The following GRIA1 variants were observed in gnomAD, a reference collection of about 807,000 sequenced individuals.
GRIA1 encodes glutamate receptor 1.
In GRIA1, 31 loss-of-function variants were observed where a neutral mutation model predicts 99.2. The ratio of observed to expected loss-of-function variants is 0.31; its 90% CI spans 0.23 to 0.42. The LOEUF is 0.42. GRIA1 is among the 10% of genes least tolerant of loss of function. The pLI is 1.00. For synonymous variants in GRIA1, 438 were observed against 432.4 expected (o/e 1.01, Z -0.16); for missense variants, 782 against 1,157.5 (o/e 0.68, Z 4.71).
chr5:153,649,428 T>TTTAA, intron 3 of GRIA1, among the ~76,000 whole-genome samples: 1 of 100,898 alleles, frequency 9.9e-6, no homozygotes, highest in East Asian at 2.0e-4. Flanking sequence ...CAGGACACAT[T>TTTAA]TTATTTATTT....
intron 15 of GRIA1, among the ~76,000 whole-genome samples, chr5:153,810,536 G>A (rs760986426): frequency 2.0e-5 from 3 of 152,198 alleles, no homozygotes; most frequent in African/African-American, 4.8e-5. Context: ...TATAATAACA[G>A]TGTGTAGGTG....
chr5:153,622,133 C>A lies in GRIA1; in HGVS notation c.221-24795C>A, dbSNP rs569228968. Reference sequence around the variant, plus strand: ...TATGTTAGAAATGAAAATTCTCGAGCCCCATCCCAGACCTACTGAATCAGA... The same window carrying A: ...TATGTTAGAAATGAAAATTCTCGAGACCCATCCCAGACCTACTGAATCAGA... On this transcript the variant is annotated intron_variant, in intron 2 of 15. Coordinates refer to ENST00000285900, the MANE Select transcript of GRIA1 (RefSeq NM_000827.4). Among the ~76,000 whole-genome samples, 6 of 152,286 alleles carry A rather than the reference C, an allele frequency of 3.9e-5. No individual in the cohort carries two copies. The South Asian group carries it at 6.2e-4, about 16-fold the overall frequency.
In GRIA1 at chr5:153,490,785, A is replaced by C; in HGVS notation, c.-104A>C. On this transcript the variant is annotated 5_prime_UTR_variant, in exon 1 of 16. Transcript: ENST00000285900. ...AAGCAAGCAAGGAAGGAACTGCAGGAGGAAAAGAACAGGCAGAACAGCGAG... is the reference window on the plus strand; with the variant it reads ...AAGCAAGCAAGGAAGGAACTGCAGGCGGAAAAGAACAGGCAGAACAGCGAG... 2.3e-6 allele frequency: 2 copies of C among 862,652 alleles called. No homozygotes were observed. The highest frequency in any genetic ancestry group is 1.7e-5 in the African/African-American group (1 of 60,554). 53.4% of individuals were successfully genotyped at this position (862,652 alleles called of 1,614,324 possible). A position where few individuals can be genotyped will look rare whatever the true frequency, so the allele number is the denominator to read the frequency against.
intron 2 of GRIA1, among the ~76,000 whole-genome samples, chr5:153,570,846 TTAA>T (rs1762050991): frequency 6.6e-6 from 1 of 152,214 alleles, no homozygotes; most frequent in Non-Finnish European, 1.5e-5. Context: ...CTATTATTTA[TTAA>T]TAATTCCTAT....
Position 153,677,073 on chromosome 5 carries a change from T to C in GRIA1, c.941T>C (p.Ile314Thr). 1.3e-6 allele frequency: 2 copies of C among 1,585,768 alleles called. No homozygotes were observed. Among genetic ancestry groups the C allele is most frequent in the Non-Finnish European group, 1.7e-6 (2 of 1,163,752 alleles). ...AGCCTGCGGAGGCAGAGAATTGATA[T>C]ATCTCGCCGGGGGAATGCTGGGGAT... ...FQSLRRQRID[I>T]SRRGNAGDCL... Residue 314 changes from isoleucine (I) to threonine (T), a missense_variant, in exon 7 of 16, where the codon ATA becomes ACA. Ile to Thr is a moderately conservative substitution (Grantham distance 89). This residue lies in a region of GRIA1 where 461 missense variants were observed against 521.7 expected (regional missense o/e 0.88). Coordinates refer to ENST00000285900, the MANE Select transcript of GRIA1 (RefSeq NM_000827.4).
At position 153,732,925 on chromosome 5, in the gene GRIA1, C is replaced by CTTTTTTTTTTTTTTTTTTTTTTTTTT. The variant is rs1288005494; in HGVS notation, c.1823+26872_1823+26873insTTTTTTTTTTTTTTTTTTTTTTTTTT. Reference sequence around the variant, plus strand: ...GTAGTACAAAATAAGAGTTAAATTTCTTTTTTTTTTTTTTCTTTGCATGTG... The same window carrying CTTTTTTTTTTTTTTTTTTTTTTTTTT: ...GTAGTACAAAATAAGAGTTAAATTTCTTTTTTTTTTTTTTTTTTTTTTTTTTTTTTTTTTTTTTTTCTTTGCATGTG... On this transcript the variant is annotated intron_variant, in intron 11 of 15. Coordinates refer to ENST00000285900, the MANE Select transcript of GRIA1 (RefSeq NM_000827.4). Among the ~76,000 whole-genome samples the CTTTTTTTTTTTTTTTTTTTTTTTTTT allele has an allele frequency of 2.4e-5, 3 of 127,326 alleles. 1 individual carries two copies. Among genetic ancestry groups the CTTTTTTTTTTTTTTTTTTTTTTTTTT allele is most frequent in the Non-Finnish European group, 3.3e-5 (2 of 60,186 alleles). 83.5% of individuals were successfully genotyped at this position (127,326 alleles called of 152,430 possible). A position where few individuals can be genotyped will look rare whatever the true frequency, so the allele number is the denominator to read the frequency against.
At chr5:153,686,597 G>C (rs774985636) in intron 8 of GRIA1, among the ~76,000 whole-genome samples, 2 of 152,168 alleles carry the variant, frequency 1.3e-5, no homozygotes, top group Non-Finnish European at 2.9e-5. Context: ...ATCCAAGGTA[G>C]AGGAAAGCAC....
chr5:153,654,047 T>C (rs1754762541), intron 4 of GRIA1, among the ~76,000 whole-genome samples: 1 of 152,184 alleles, frequency 6.6e-6, no homozygotes, highest in Non-Finnish European at 1.5e-5. Flanking sequence ...CTCAGTTTGT[T>C]ACCCTGTATA....
intron 2 of GRIA1, among the ~76,000 whole-genome samples, chr5:153,551,532 T>C (rs952534085): frequency 2.0e-5 from 3 of 152,216 alleles, no homozygotes; most frequent in Non-Finnish European, 2.9e-5. Context: ...TTTCGATTAA[T>C]GGAAGAGAAC....
chr5:153,649,644 T>G (rs1754406852), intron 3 of GRIA1, among the ~76,000 whole-genome samples: 1 of 152,008 alleles, frequency 6.6e-6, no homozygotes, highest in Admixed American at 6.5e-5. Context: ...TTTTTTTTAG[T>G]AGAGATGGGG....
chr5:153,794,484 G>T, intron 13 of GRIA1, 137 bp from the exon 14 acceptor site: 1 of 666,174 alleles, frequency 1.5e-6, no homozygotes. Context: ...AGTGATGTTG[G>T]GGGCAGGGCA....
chr5:153,528,775 C>A (rs1055630996), intron 2 of GRIA1, among the ~76,000 whole-genome samples: 3 of 152,208 alleles, frequency 2.0e-5, no homozygotes, highest in Non-Finnish European at 4.4e-5. Flanking sequence ...ATAAGGCATT[C>A]TCCTATATGC....
rs1753511533 is a variant in GRIA1, at chr5:153,638,078, A to G, written c.221-8850A>G. Among the ~76,000 whole-genome samples the G allele has an allele frequency of 2.0e-5, 3 of 152,246 alleles. No individual in the cohort carries two copies. The South Asian group carries it at 6.2e-4, about 32-fold the overall frequency. On this transcript the variant is annotated intron_variant, in intron 2 of 15. Transcript: ENST00000285900. The stretch of plus-strand genomic sequence containing the variant: ...TGAAAGAAAGATGGGTCAACTTAGT[A>G]TCCAGAGATTAAAATAGGTAAATGA...
At chr5:153,597,368 T>C (rs191329141) in intron 2 of GRIA1, among the ~76,000 whole-genome samples, 14 of 152,294 alleles carry the variant, frequency 9.2e-5, no homozygotes, top group South Asian at 4.1e-4. Context: ...TATTCTTCTT[T>C]CTAGGTTTGT....
intron 8 of GRIA1, among the ~76,000 whole-genome samples, chr5:153,690,466 C>T (rs972695498): frequency 2.6e-5 from 4 of 152,104 alleles, no homozygotes; most frequent in African/African-American, 9.7e-5. Flanking sequence ...CTCTTTGCCT[C>T]CCAGGATCAC....
Position 153,728,138 on chromosome 5 carries a change from T to C in GRIA1, c.1823+22071T>C, listed in dbSNP as rs537319998. On this transcript the variant is annotated intron_variant, in intron 11 of 15. Coordinates refer to ENST00000285900, the MANE Select transcript of GRIA1 (RefSeq NM_000827.4). ...AGAAAAATAAGCAATGGGGAAAGGA[T>C]TCCCTATTTAATAAATGGTGCTGGG... is the stretch of plus-strand genomic sequence containing the variant. Among the ~76,000 whole-genome samples, 163 of 152,116 alleles carry C rather than the reference T, an allele frequency of 1.1e-3. 1 individual carries two copies. The highest frequency in any genetic ancestry group is 3.7e-3 in the African/African-American group (153 of 41,508).
chr5:153,570,305 T>C (rs974579438), intron 2 of GRIA1, among the ~76,000 whole-genome samples: 1 of 152,214 alleles, frequency 6.6e-6, no homozygotes, highest in Non-Finnish European at 1.5e-5. Context: ...TAGATGCTAA[T>C]TGGCTTTAAC....
chr5:153,512,989 A>G (rs1309959907), intron 2 of GRIA1, among the ~76,000 whole-genome samples: 1 of 152,196 alleles, frequency 6.6e-6, no homozygotes, highest in Non-Finnish European at 1.5e-5. Context: ...ATGAGAACAC[A>G]CAGCAAGATG....
intron 2 of GRIA1, among the ~76,000 whole-genome samples, chr5:153,539,314 G>T (rs115048168): frequency 1.3e-5 from 2 of 152,164 alleles, no homozygotes; most frequent in Non-Finnish European, 2.9e-5. Context: ...CATTCATAGC[G>T]TTCTGAGCCT....
Sources: gnomAD v4.1 joint callset for allele counts (sites outside exome capture counted in the v4.1 genomes callset) on GRCh38, gnomAD v4.1.1 for gene constraint, gnomAD v4.1.1 regional missense constraint, MANE v1.5 for transcripts, NCBI Gene and HGNC (gene_info 2026-07-23, HGNC 2026-07-21) for gene names.